TNNI3K: variants seen among roughly 807,000 people sequenced by gnomAD.
The protein encoded by TNNI3K is TNNI3 interacting kinase.
A neutral mutation model predicts 114.5 loss-of-function variants in TNNI3K; 140 were observed. That is an observed-to-expected ratio of 1.22 (90% confidence interval 1.07 to 1.41). The LOEUF (loss-of-function observed/expected upper bound fraction) is 1.41, where lower values mean the gene tolerates loss of function less well. Ranked by LOEUF, TNNI3K falls within the 40% of genes most tolerant of loss-of-function variation. The pLI is 0.00. For missense variants in TNNI3K, 1,125 were observed against 1,007.6 expected, an observed-to-expected ratio of 1.12 and a Z score of -1.58; for synonymous variants, 347 against 347.5, an observed-to-expected ratio of 1.00 and a Z score of 0.02.
chr1:74,266,514 T>G (rs1362570877), intron 4 of TNNI3K, among the ~76,000 whole-genome samples: 1 of 152,012 alleles, frequency 6.6e-6, no homozygotes, highest in Non-Finnish European at 1.5e-5. Context: ...AGCAAATATC[T>G]GTGGGTTGAG....
At chr1:74,458,741 G>A (rs577266284) in intron 20 of TNNI3K, among the ~76,000 whole-genome samples, 1 of 152,174 alleles carries the variant, frequency 6.6e-6, no homozygotes, top group East Asian at 1.9e-4. Context: ...AACACTTTTA[G>A]TGCCTATGTT....
chr1:74,334,893 A>T (rs1660387754), intron 6 of TNNI3K, among the ~76,000 whole-genome samples: 1 of 152,336 alleles, frequency 6.6e-6, no homozygotes, highest in Middle Eastern at 3.4e-3. Flanking sequence ...TAAAGTGAAG[A>T]CCTACATTAT....
chr1:74,331,320 G>A, intron 5 of TNNI3K, 130 bp from the exon 6 acceptor site: 1 of 832,802 alleles, frequency 1.2e-6, no homozygotes, highest in South Asian at 2.0e-5. Flanking sequence ...CTTGGATAAG[G>A]TGGATGGAAG....
chr1:74,312,916 G>A (rs559237080), intron 5 of TNNI3K, among the ~76,000 whole-genome samples: 141 of 152,052 alleles, frequency 9.3e-4, no homozygotes, highest in African/African-American at 3.3e-3. Flanking sequence ...TTAAATCTTT[G>A]CCTTCCTTGT....
chr1:74,397,285 G>A (rs1316440370), intron 17 of TNNI3K, among the ~76,000 whole-genome samples: 1 of 152,066 alleles, frequency 6.6e-6, no homozygotes, highest in Non-Finnish European at 1.5e-5. Context: ...GGTGAGACTG[G>A]AGAGAGAGAG....
chr1:74,311,418 T>A (rs756720973), intron 5 of TNNI3K, among the ~76,000 whole-genome samples: 1 of 152,174 alleles, frequency 6.6e-6, no homozygotes, highest in Non-Finnish European at 1.5e-5. Flanking sequence ...AAAAAGTCAT[T>A]ATTCCAATTA....
At chr1:74,391,957 A>ATTATTATTTTTTTTTTTTT (rs1369570973) in intron 17 of TNNI3K, among the ~76,000 whole-genome samples, 12 of 92,990 alleles carry the variant, frequency 1.3e-4, no homozygotes, top group Non-Finnish European at 2.2e-4. Flanking sequence ...ACAGCTTATT[A>ATTATTATTTTTTTTTTTTT]TTTTTTTTTT....
At chr1:74,483,977 T>G (rs1478149455) in intron 21 of TNNI3K, among the ~76,000 whole-genome samples, 2 of 152,156 alleles carry the variant, frequency 1.3e-5, no homozygotes, top group Non-Finnish European at 2.9e-5. Context: ...CTGACTATAT[T>G]ATCTTAGAAA....
At chr1:74,241,122 A>T (rs1472597797) in intron 2 of TNNI3K, among the ~76,000 whole-genome samples, 1 of 152,282 alleles carries the variant, frequency 6.6e-6, no homozygotes. Context: ...TTATGGCTGC[A>T]TAGTATTCCA....
At chr1:74,237,913 A>G (rs1034313993) in intron 2 of TNNI3K, among the ~76,000 whole-genome samples, 1 of 152,012 alleles carries the variant, frequency 6.6e-6, no homozygotes, top group African/African-American at 2.4e-5. Flanking sequence ...TGATAAACTA[A>G]GGATTAGAGA....
intron 17 of TNNI3K, among the ~76,000 whole-genome samples, chr1:74,416,086 T>G (rs909836841): frequency 6.6e-6 from 1 of 152,108 alleles, no homozygotes; most frequent in Non-Finnish European, 1.5e-5. Flanking sequence ...TGGAGGAAGG[T>G]GCTGTACGTG....
chr1:74,370,321 A>T lies in TNNI3K; in HGVS notation c.1701A>T (p.Ala567=), dbSNP rs756686307. The T allele has an allele frequency of 6.2e-7, 1 of 1,604,686 alleles. No individual in the cohort carries two copies. Among genetic ancestry groups the T allele is most frequent in the Non-Finnish European group, 8.5e-7 (1 of 1,174,470 alleles). The change falls in exon 17 of 25, where the codon GCA becomes GCT. Residue 567 remains alanine, a synonymous_variant. Transcript: ENST00000326637. ...ATTTGCAGTCTAAATTAATTATTGCAGTAGATGTTGCCAAAGGCATGGAGT... is the reference window on the plus strand; with the variant it reads ...ATTTGCAGTCTAAATTAATTATTGCTGTAGATGTTGCCAAAGGCATGGAGT... The part of the protein sequence containing the change: ...ILDLQSKLII[A]VDVAKGMEYL...
chr1:74,327,950 T>C (rs1659999569), intron 5 of TNNI3K, among the ~76,000 whole-genome samples: 1 of 151,602 alleles, frequency 6.6e-6, no homozygotes, highest in Non-Finnish European at 1.5e-5. Context: ...TAACAGAATA[T>C]ATACCATGCA....
intron 5 of TNNI3K, among the ~76,000 whole-genome samples, chr1:74,295,981 CAT>C (rs1274153910): frequency 5.3e-5 from 8 of 152,112 alleles, no homozygotes; most frequent in African/African-American, 1.9e-4. Context: ...ATTCTTTACT[CAT>C]TATAAATTTG....
At chr1:74,327,633 T>C (rs1659980952) in intron 5 of TNNI3K, among the ~76,000 whole-genome samples, 1 of 126,600 alleles carries the variant, frequency 7.9e-6, no homozygotes, top group Admixed American at 9.1e-5. Flanking sequence ...TTATTATATG[T>C]CAGATATGTC....
chr1:74,256,847 T>C (rs1266597165), intron 4 of TNNI3K, among the ~76,000 whole-genome samples: 1 of 152,146 alleles, frequency 6.6e-6, no homozygotes, highest in Non-Finnish European at 1.5e-5. Flanking sequence ...AACATTTATA[T>C]CTTTTAAAGA....
chr1:74,448,124 G>C (rs1008851820), intron 20 of TNNI3K, among the ~76,000 whole-genome samples: 10 of 98,356 alleles, frequency 1.0e-4, no homozygotes, highest in Admixed American at 2.1e-4. Flanking sequence ...GTCGGGGGAG[G>C]GGGGAGGGAT....
In TNNI3K at chr1:74,495,944, G is replaced by T. The variant is rs75014592; in HGVS notation, c.2351+3678G>T. The stretch of plus-strand genomic sequence containing the variant: ...ATCAATAGGTGTTTAAAGTCAGAGA[G>T]CCCAAGGATATAAAAATTGATGGAC... On this transcript the variant is annotated intron_variant, in intron 23 of 24. Transcript: ENST00000326637. 9.2e-5 allele frequency among the ~76,000 whole-genome samples: 14 copies of T among 152,236 alleles called. No individual in the cohort carries two copies. In the East Asian group the frequency reaches 2.7e-3, roughly 29 times the overall value.
chr1:74,472,004 C>T (rs1022784046), intron 21 of TNNI3K: 53 of 675,610 alleles, frequency 7.8e-5, no homozygotes, highest in African/African-American at 7.8e-4. Context: ...ATCTTTTGTA[C>T]ATAGTGTTCC....
Sources: gnomAD v4.1 joint callset for allele counts (sites outside exome capture counted in the v4.1 genomes callset) on GRCh38, gnomAD v4.1.1 for gene constraint, MANE v1.5 for transcripts, NCBI Gene and HGNC (gene_info 2026-07-23, HGNC 2026-07-21) for gene names.